ASTN2: variants seen among roughly 807,000 people sequenced by gnomAD.
The protein encoded by ASTN2 is astrotactin-2.
Under a neutral mutation model 139.8 loss-of-function variants are expected in ASTN2, and 54 were observed. The ratio of observed to expected loss-of-function variants is 0.39; its 90% CI spans 0.31 to 0.48. ASTN2 has a LOEUF of 0.48. ASTN2 is among the 20% of genes least tolerant of loss of function. The pLI is 0.95. For missense variants in ASTN2, 1,565 were observed against 1,725.1 expected (o/e 0.91, Z 1.64); for synonymous variants, 756 against 719.5 (o/e 1.05, Z -0.81).
At chr9:116,525,116 C>T (rs188760379) in intron 19 of ASTN2, among the ~76,000 whole-genome samples, 6 of 152,264 alleles carry the variant, frequency 3.9e-5, no homozygotes, top group Admixed American at 3.9e-4. Flanking sequence ...ACAAGGTTGT[C>T]TCAGACGGAG....
intron 10 of ASTN2, among the ~76,000 whole-genome samples, chr9:116,930,921 C>CTCTCA (rs1834878665): frequency 6.6e-6 from 1 of 152,078 alleles, no homozygotes; most frequent in Middle Eastern, 3.4e-3. Context: ...TATCTTCTCC[C>CTCTCA]TCTCAATTTT....
chr9:116,794,964 G>GT (rs1230561831), intron 13 of ASTN2, among the ~76,000 whole-genome samples: 1 of 152,034 alleles, frequency 6.6e-6, no homozygotes, highest in Non-Finnish European at 1.5e-5. Context: ...AAATGTTTTT[G>GT]TTTTTGTTTT....
At chr9:116,954,820 T>C (rs28463509) in intron 10 of ASTN2, among the ~76,000 whole-genome samples, 7,317 of 152,284 alleles carry the variant, frequency 0.048, 580 homozygotes, top group African/African-American at 0.16. Context: ...GTATGGTCCA[T>C]TGATCAGTAG....
At chr9:116,455,433 A>G (rs1302665219) in intron 20 of ASTN2, among the ~76,000 whole-genome samples, 4 of 152,096 alleles carry the variant, frequency 2.6e-5, no homozygotes, top group Admixed American at 1.3e-4. Flanking sequence ...AACCCATGTG[A>G]CATTTTCTTT....
At chr9:116,634,267 G>A (rs981443028) in intron 17 of ASTN2, among the ~76,000 whole-genome samples, 5 of 152,046 alleles carry the variant, frequency 3.3e-5, no homozygotes, top group Admixed American at 2.0e-4. Context: ...CTGAACTTGG[G>A]TATTCTCTAG....
chr9:117,150,698 A>G (rs1830308882), intron 3 of ASTN2, among the ~76,000 whole-genome samples: 1 of 152,134 alleles, frequency 6.6e-6, no homozygotes, highest in Non-Finnish European at 1.5e-5. Flanking sequence ...GATACAGAGT[A>G]AGCACATTTT....
At chr9:117,108,430 C>CAA (rs1829160330) in intron 4 of ASTN2, among the ~76,000 whole-genome samples, 1 of 117,232 alleles carries the variant, frequency 8.5e-6, no homozygotes, top group Non-Finnish European at 1.8e-5. Flanking sequence ...AAAAACAAAA[C>CAA]AAAACAAAAC....
At chr9:117,066,601 T>A (rs997689723) in intron 5 of ASTN2, among the ~76,000 whole-genome samples, 21 of 150,976 alleles carry the variant, frequency 1.4e-4, no homozygotes, top group African/African-American at 5.1e-4. Context: ...CACACTGACT[T>A]CCACAATGGT....
At chr9:117,151,304 C>T (rs1019422163) in intron 3 of ASTN2, among the ~76,000 whole-genome samples, 1 of 152,178 alleles carries the variant, frequency 6.6e-6, no homozygotes, top group Non-Finnish European at 1.5e-5. Context: ...ATTCCTCCCT[C>T]CCAGATCTAT....
At chr9:116,787,413 C>G (rs1168938394) in intron 13 of ASTN2, among the ~76,000 whole-genome samples, 2 of 152,180 alleles carry the variant, frequency 1.3e-5, no homozygotes, top group African/African-American at 2.4e-5. Flanking sequence ...GACGTGGGAG[C>G]TATTTCTTTG....
chr9:116,646,312 G>T (rs1857586783), intron 17 of ASTN2, among the ~76,000 whole-genome samples: 1 of 151,684 alleles, frequency 6.6e-6, no homozygotes, highest in Non-Finnish European at 1.5e-5. Context: ...AAAGAGAAAA[G>T]AACTTGCTAT....
intron 10 of ASTN2, among the ~76,000 whole-genome samples, chr9:116,932,793 G>A (rs1183427390): frequency 6.6e-6 from 1 of 151,948 alleles, no homozygotes; most frequent in Non-Finnish European, 1.5e-5. Context: ...ATCACTTGAG[G>A]TAAGGAGTTC....
Position 117,367,718 on chromosome 9 carries a change from AC to A in ASTN2, c.442+46778del, listed in dbSNP as rs370709545. Among the ~76,000 whole-genome samples the A allele has an allele frequency of 4.9e-3, 750 of 152,162 alleles. 8 individuals are homozygous for A. Among genetic ancestry groups the A allele is most frequent in the African/African-American group, 0.017 (712 of 41,510 alleles). On this transcript the variant is annotated intron_variant, in intron 1 of 22. Transcript: ENST00000313400. ...TCTAAACTCTTGTAATTATTATGTG[AC>A]TTAATCAGGTTTGCAGAGATATTTA...
Position 117,052,921 on chromosome 9 carries a change from G to A in ASTN2, c.1277-12956C>T, listed in dbSNP as rs1251167787. Among the ~76,000 whole-genome samples the A allele has an allele frequency of 3.3e-5, 5 of 152,328 alleles. 1 individual carries two copies. Among genetic ancestry groups the A allele is most frequent in the African/African-American group, 7.2e-5 (3 of 41,578 alleles). The stretch of plus-strand genomic sequence containing the variant: ...ACCATGTTCCAAAGAGAATAACCAG[G>A]ATTGGACTGGATATCATGCCAGGAG... On this transcript the variant is annotated intron_variant, in intron 5 of 22. Coordinates refer to ENST00000313400, the MANE Select transcript of ASTN2 (RefSeq NM_001365068.1).
intron 19 of ASTN2, among the ~76,000 whole-genome samples, chr9:116,602,440 C>A (rs1588063265): frequency 6.6e-6 from 1 of 151,810 alleles, no homozygotes; most frequent in African/African-American, 2.4e-5. Flanking sequence ...TATGTAGATT[C>A]CTAATAATTT....
At chr9:116,678,058 T>C (rs917288417) in intron 16 of ASTN2, among the ~76,000 whole-genome samples, 3 of 152,252 alleles carry the variant, frequency 2.0e-5, no homozygotes, top group Non-Finnish European at 4.4e-5. Flanking sequence ...TAATGCCTTT[T>C]TGTTCATATG....
chr9:116,484,433 G>A (rs1295996918), intron 20 of ASTN2, among the ~76,000 whole-genome samples: 2 of 152,214 alleles, frequency 1.3e-5, no homozygotes, highest in African/African-American at 4.8e-5. Flanking sequence ...CCCAAGGCCT[G>A]TGCTATTTCT....
At chr9:116,809,551 T>C (rs1773525302) in intron 12 of ASTN2, among the ~76,000 whole-genome samples, 1 of 152,172 alleles carries the variant, frequency 6.6e-6, no homozygotes, top group South Asian at 2.1e-4. Context: ...TATTTCCAAA[T>C]TTCCTGACTG....
chr9:117,278,357 G>A (rs1315370098), intron 2 of ASTN2, among the ~76,000 whole-genome samples: 2 of 152,084 alleles, frequency 1.3e-5, no homozygotes, highest in African/African-American at 4.8e-5. Flanking sequence ...AACACAATTA[G>A]CTCAAAATGA....
Sources: allele counts gnomAD v4.1 joint callset (sites outside exome capture counted in the v4.1 genomes callset), GRCh38; gene constraint gnomAD v4.1.1; transcripts MANE v1.5; gene names NCBI Gene and HGNC (gene_info 2026-07-23, HGNC 2026-07-21).